SIDT1: variants seen among roughly 807,000 people sequenced by gnomAD.
The protein encoded by SIDT1 is SID1 transmembrane family member 1.
A neutral mutation model predicts 107.5 loss-of-function variants in SIDT1; 101 were observed. The observed-to-expected ratio is 0.94, with a 90% CI of 0.80 to 1.11. SIDT1 has a LOEUF of 1.11. Among genes scored for constraint, SIDT1 ranks in the 50% least tolerant of loss-of-function variants. The pLI, the probability that SIDT1 is intolerant of heterozygous loss-of-function variation, is 0.00. For synonymous variants in SIDT1, 395 were observed against 398.2 expected, an observed-to-expected ratio of 0.99 and a Z score of 0.10; for missense variants, 1,076 against 1,058.2, an observed-to-expected ratio of 1.02 and a Z score of -0.23.
chr3:113,563,942 T>TA (rs1188885932), intron 1 of SIDT1, among the ~76,000 whole-genome samples: 1 of 148,372 alleles, frequency 6.7e-6, no homozygotes, highest in Non-Finnish European at 1.5e-5. Flanking sequence ...CTTCTTTTTC[T>TA]TTTTTTTTTG....
In SIDT1 at chr3:113,584,703, G is replaced by T; in HGVS notation, c.841G>T (p.Glu281Ter). The change falls in exon 8 of 25, where the codon GAA becomes TAA. Residue 281 changes from glutamate (E) to a stop codon, truncating the protein, a stop_gained. Coordinates refer to ENST00000264852, the MANE Select transcript of SIDT1 (RefSeq NM_017699.3). LOFTEE classifies it high-confidence loss of function. Reference sequence around the variant, plus strand: ...TTTTATTTTTTTTAAACCAGAAAAGGAAAACCAGACCTGGAATCTACAGCG... The same window carrying T: ...TTTTATTTTTTTTAAACCAGAAAAGTAAAACCAGACCTGGAATCTACAGCG... ...CGGSFFIQEK[E>*]NQTWNLQRKK... 1.3e-6 allele frequency: 2 copies of T among 1,593,130 alleles called. No individual in the cohort carries two copies. The highest frequency in any genetic ancestry group is 1.4e-5 in the African/African-American group (1 of 73,382).
intron 4 of SIDT1, among the ~76,000 whole-genome samples, chr3:113,580,213 T>C (rs1442252113): frequency 6.6e-6 from 1 of 152,236 alleles, no homozygotes; most frequent in East Asian, 1.9e-4. Flanking sequence ...GGAATTTTCG[T>C]ATGTCACATT....
chr3:113,631,126 C>T (rs1947091022), downstream of SIDT1, among the ~76,000 whole-genome samples: 1 of 152,184 alleles, frequency 6.6e-6, no homozygotes, highest in African/African-American at 2.4e-5. Context: ...AGTGGGAAAG[C>T]CTGGCTGTTT....
intron 1 of SIDT1, among the ~76,000 whole-genome samples, chr3:113,561,314 C>T (rs1218198830): frequency 6.6e-6 from 1 of 152,194 alleles, no homozygotes; most frequent in African/African-American, 2.4e-5. Flanking sequence ...CTATCTCCTA[C>T]TCTAATATAT....
chr3:113,608,732 C>G (rs771922399), intron 17 of SIDT1, among the ~76,000 whole-genome samples, 196 bp downstream of exon 17: 7 of 152,080 alleles, frequency 4.6e-5, no homozygotes, highest in Non-Finnish European at 1.0e-4. Context: ...TATGGAGAAC[C>G]CAATTTATGC....
At chr3:113,592,210 G>T (rs1206266199) in intron 9 of SIDT1, among the ~76,000 whole-genome samples, 1 of 152,164 alleles carries the variant, frequency 6.6e-6, no homozygotes, top group East Asian at 1.9e-4. Context: ...TCTAGAATTC[G>T]ATAGTGGTGG....
intron 10 of SIDT1, among the ~76,000 whole-genome samples, chr3:113,595,487 G>A (rs1944478580): frequency 6.6e-6 from 1 of 152,034 alleles, no homozygotes; most frequent in African/African-American, 2.4e-5. Flanking sequence ...GCTGCTATGG[G>A]AGGATCGCTT....
At chr3:113,546,724 G>A (rs1002956507) in intron 1 of SIDT1, among the ~76,000 whole-genome samples, 1 of 151,984 alleles carries the variant, frequency 6.6e-6, no homozygotes, top group Non-Finnish European at 1.5e-5. Context: ...CTGTGGACTT[G>A]GTCTTGAAGA....
In SIDT1 at chr3:113,604,979, A is replaced by T. The variant is rs371793858; in HGVS notation, c.1404+3A>T. On this transcript the variant is annotated splice_donor_region_variant and intron_variant, in intron 14 of 24. Transcript: ENST00000264852. Reference sequence around the variant, plus strand: ...AGCTGGTCATTACCTATCAGACAGTAAGTGCTGCCCCAGCCCCAGCCCCAG... The same window carrying T: ...AGCTGGTCATTACCTATCAGACAGTTAGTGCTGCCCCAGCCCCAGCCCCAG... The T allele has an allele frequency of 6.2e-7, 1 of 1,613,780 alleles. No individual in the cohort carries two copies. The highest frequency in any genetic ancestry group is 1.3e-5 in the African/African-American group (1 of 74,928).
intron 10 of SIDT1, among the ~76,000 whole-genome samples, chr3:113,599,447 G>A (rs1273096529): frequency 6.6e-6 from 1 of 152,206 alleles, no homozygotes; most frequent in Non-Finnish European, 1.5e-5. Context: ...CTATATGAAA[G>A]TAACATATTT....
chr3:113,575,624 G>A (rs147451248), intron 3 of SIDT1, among the ~76,000 whole-genome samples: 4 of 152,166 alleles, frequency 2.6e-5, no homozygotes, highest in Admixed American at 1.3e-4. Context: ...CTATTGTTGC[G>A]AGCTAAATTC....
intron 3 of SIDT1, among the ~76,000 whole-genome samples, chr3:113,572,919 T>G (rs543725628): frequency 6.6e-6 from 1 of 152,224 alleles, no homozygotes; most frequent in Non-Finnish European, 1.5e-5. Context: ...AAGAGAATTT[T>G]AGACCATTTT....
chr3:113,563,226 G>T (rs1576774867), intron 1 of SIDT1, among the ~76,000 whole-genome samples: 1 of 152,166 alleles, frequency 6.6e-6, no homozygotes, highest in African/African-American at 2.4e-5. Context: ...GTGGAGAAAA[G>T]GCGAACTTTT....
At chr3:113,627,579 G>A (rs924721730) in intron 24 of SIDT1, 67 bp from the exon 25 acceptor site, 4 of 1,488,900 alleles carry the variant, frequency 2.7e-6, no homozygotes, top group African/African-American at 2.8e-5. Flanking sequence ...GCATCTCAGA[G>A]AGAAAACAGG....
At chr3:113,622,376 T>A (rs1456211174) in intron 21 of SIDT1, among the ~76,000 whole-genome samples, 1 of 147,430 alleles carries the variant, frequency 6.8e-6, no homozygotes, top group East Asian at 2.0e-4. Flanking sequence ...TGGCAGAGAA[T>A]TGCTTAAACT....
intron 1 of SIDT1, among the ~76,000 whole-genome samples, chr3:113,551,388 A>G (rs1002557438): frequency 6.6e-6 from 1 of 152,222 alleles, no homozygotes; most frequent in Admixed American, 6.5e-5. Context: ...AGAGTAAGTG[A>G]TATAAATTAC....
chr3:113,559,791 G>GT (rs1227388387), intron 1 of SIDT1, among the ~76,000 whole-genome samples: 1 of 151,976 alleles, frequency 6.6e-6, no homozygotes, highest in African/African-American at 2.4e-5. Context: ...ATTGGTGGTG[G>GT]TTTTTTTCTT....
At chr3:113,535,903 C>T (rs1938101588) in intron 1 of SIDT1, among the ~76,000 whole-genome samples, 1 of 152,192 alleles carries the variant, frequency 6.6e-6, no homozygotes, top group South Asian at 2.1e-4. Flanking sequence ...CAAACCATTA[C>T]CTTCGGTTCC....
chr3:113,572,010 A>G (rs1299404889), intron 3 of SIDT1, among the ~76,000 whole-genome samples: 5 of 152,212 alleles, frequency 3.3e-5, no homozygotes, highest in African/African-American at 4.8e-5. Context: ...AGAGGACAAA[A>G]CAGGATGCAG....
Sources: gnomAD v4.1 joint callset for allele counts (sites outside exome capture counted in the v4.1 genomes callset) on GRCh38, gnomAD v4.1.1 for gene constraint, MANE v1.5 for transcripts, NCBI Gene and HGNC (gene_info 2026-07-23, HGNC 2026-07-21) for gene names.